DIAPH2: variants seen among roughly 807,000 people sequenced by gnomAD.
DIAPH2 encodes the protein protein diaphanous homolog 2.
In DIAPH2, 35 loss-of-function variants were observed where a neutral mutation model predicts 92.7. The observed-to-expected ratio is 0.38, with a 90% CI of 0.29 to 0.50. The LOEUF is 0.50. Ranked by LOEUF, DIAPH2 falls within the 20% of genes least tolerant of loss-of-function variation. The pLI, the probability that DIAPH2 is intolerant of heterozygous loss-of-function variation, is 0.94. For missense variants in DIAPH2, 701 were observed against 819.5 expected (o/e 0.86, Z 1.77); for synonymous variants, 301 against 280.4 (o/e 1.07, Z -0.73).
Position 96,957,876 on chromosome X carries a change from C to T in DIAPH2, c.1663C>T (p.Pro555Ser). 2 of 1,211,136 alleles carry T rather than the reference C, an allele frequency of 1.7e-6. No homozygotes were observed. The highest frequency in any genetic ancestry group is 2.2e-6 in the Non-Finnish European group (2 of 895,325). The change falls in exon 16 of 27, where the codon CCT becomes TCT. Residue 555 changes from proline to serine, a missense_variant. Around this residue, in one of 3 missense-constraint regions of DIAPH2, gnomAD observed 536 missense variants for 599.3 expected, o/e 0.89. Transcript: ENST00000324765. Reference protein sequence around the residue: ...SSGIPGPPAAPPLPGVGPPPP... With the variant: ...SSGIPGPPAASPLPGVGPPPP... ...AGGAATTCCAGGTCCTCCTGCAGCACCTCCATTGCCAGGTGTAGGGCCGCC... is the reference window on the plus strand; with the variant it reads ...AGGAATTCCAGGTCCTCCTGCAGCATCTCCATTGCCAGGTGTAGGGCCGCC...
chrX:97,510,078 C>T lies in DIAPH2; in HGVS notation c.3241+80333C>T, dbSNP rs1459828357. 9.2e-5 allele frequency among the ~76,000 whole-genome samples: 10 copies of T among 108,242 alleles called. No individual in the cohort carries two copies. In the East Asian group the frequency reaches 1.7e-3, roughly 19 times the overall value. The allele number at this position is 108,242 out of a possible 115,157, so 94.0% of individuals were successfully genotyped here. ...TTCTAGTTCTAGATCCCTGAGGAAT[C>T]GCCACACTGACTTCCACAATGGTTG... On this transcript the variant is annotated intron_variant, in intron 26 of 26. Transcript: ENST00000324765.
chrX:97,359,226 A>G (rs1420101494), intron 24 of DIAPH2, among the ~76,000 whole-genome samples: 1 of 111,792 alleles, frequency 8.9e-6, no homozygotes, highest in East Asian at 2.8e-4. Context: ...GTGACTGTCC[A>G]GTTAGGCTAT....
At chrX:97,548,263 A>G (rs1350969804) in intron 26 of DIAPH2, among the ~76,000 whole-genome samples, 1 of 112,054 alleles carries the variant, frequency 8.9e-6, no homozygotes, top group Non-Finnish European at 1.9e-5. Flanking sequence ...TGGTCGATGC[A>G]CAATTTTAAG....
intron 22 of DIAPH2, among the ~76,000 whole-genome samples, chrX:97,233,280 A>G (rs1019095865): frequency 4.4e-5 from 5 of 112,711 alleles, no homozygotes; most frequent in Non-Finnish European, 7.5e-5. Flanking sequence ...GCAGTAGAGC[A>G]TGTTGGTTAA....
chrX:97,243,785 A>G (rs2068117935), intron 22 of DIAPH2, among the ~76,000 whole-genome samples: 1 of 111,693 alleles, frequency 9.0e-6, no homozygotes, highest in South Asian at 3.8e-4. Flanking sequence ...CTACTTATAT[A>G]ATAATTGGTA....
At chrX:97,354,650 A>G (rs1054115723) in intron 24 of DIAPH2, among the ~76,000 whole-genome samples, 2 of 112,881 alleles carry the variant, frequency 1.8e-5, no homozygotes, top group East Asian at 5.6e-4. Flanking sequence ...CTAGGATTAT[A>G]GGCGTGGGCC....
intron 17 of DIAPH2, among the ~76,000 whole-genome samples, chrX:97,036,291 C>T (rs897757840): frequency 1.9e-4 from 21 of 111,662 alleles, no homozygotes; most frequent in African/African-American, 6.5e-4. Context: ...TTTATTATTT[C>T]GTATCTGACT....
chrX:97,351,202 C>T (rs755937076), intron 24 of DIAPH2, among the ~76,000 whole-genome samples: 5 of 112,162 alleles, frequency 4.5e-5, no homozygotes, highest in Non-Finnish European at 7.5e-5. Context: ...CTATAAAAGA[C>T]GGAAAATAAT....
intron 17 of DIAPH2, among the ~76,000 whole-genome samples, chrX:97,012,199 G>C (rs921202207): frequency 8.9e-6 from 1 of 111,821 alleles, no homozygotes; most frequent in Non-Finnish European, 1.9e-5. Flanking sequence ...TACAATCGTA[G>C]TGCTGAACAA....
intron 4 of DIAPH2, among the ~76,000 whole-genome samples, chrX:96,840,406 C>G (rs2064927608): frequency 9.0e-6 from 1 of 111,444 alleles, no homozygotes; most frequent in Non-Finnish European, 1.9e-5. Context: ...CAATATGATC[C>G]TGATCAGCCC....
chrX:97,008,759 T>A (rs1220180019), intron 17 of DIAPH2, among the ~76,000 whole-genome samples: 3 of 111,613 alleles, frequency 2.7e-5, no homozygotes, highest in African/African-American at 9.8e-5. Flanking sequence ...TTGTTCTTCT[T>A]CCTTACTGTC....
rs768820598 is a variant in DIAPH2, at chrX:96,957,858, C to A, written c.1645C>A (p.Pro549Thr). 22 of 1,207,730 alleles carry A rather than the reference C, an allele frequency of 1.8e-5. No individual in the cohort carries two copies. In the South Asian group the frequency reaches 3.9e-4, roughly 21 times the overall value. Reference protein sequence around the residue: ...AQVLSSSSGIPGPPAAPPLPG... With the variant: ...AQVLSSSSGITGPPAAPPLPG... ...AGTACTCTCAAGTTCATCAGGAATT[C>A]CAGGTCCTCCTGCAGCACCTCCATT... Residue 549 changes from proline (P) to threonine (T), a missense_variant, in exon 16 of 27, where the codon CCA (proline) becomes ACA (threonine). This residue lies in a region of DIAPH2 where 536 missense variants were observed against 599.3 expected (regional missense o/e 0.89). Coordinates refer to ENST00000324765, the MANE Select transcript of DIAPH2 (RefSeq NM_006729.5).
intron 26 of DIAPH2, among the ~76,000 whole-genome samples, chrX:97,470,708 C>A (rs1034236793): frequency 5.5e-4 from 56 of 101,274 alleles, no homozygotes; most frequent in Middle Eastern, 5.3e-3. Flanking sequence ...AAAAAAAAAA[C>A]AACCACGCAA....
chrX:97,482,006 G>A (rs1394321951), intron 26 of DIAPH2, among the ~76,000 whole-genome samples: 1 of 112,109 alleles, frequency 8.9e-6, no homozygotes, highest in Non-Finnish European at 1.9e-5. Flanking sequence ...ATTTTTTAAA[G>A]TAATATTTAT....
intron 22 of DIAPH2, among the ~76,000 whole-genome samples, chrX:97,146,523 C>A (rs761992258): frequency 9.1e-6 from 1 of 110,323 alleles, no homozygotes; most frequent in Non-Finnish European, 1.9e-5. Context: ...ATAGCAAATA[C>A]CAAATTTATT....
At chrX:96,951,411 G>C in intron 15 of DIAPH2, among the ~76,000 whole-genome samples, 1 of 111,743 alleles carries the variant, frequency 8.9e-6, no homozygotes, top group Non-Finnish European at 1.9e-5. Context: ...TCTTCTGCTA[G>C]AGCATAGACA....
At chrX:97,519,118 G>T (rs1174912698) in intron 26 of DIAPH2, among the ~76,000 whole-genome samples, 2 of 112,147 alleles carry the variant, frequency 1.8e-5, no homozygotes, top group Non-Finnish European at 3.8e-5. Context: ...ATTCTGAATA[G>T]TGTATTTTGA....
chrX:96,817,739 TC>T (rs986192296), intron 4 of DIAPH2, among the ~76,000 whole-genome samples: 1 of 109,497 alleles, frequency 9.1e-6, no homozygotes, highest in African/African-American at 3.3e-5. Context: ...CTCTCTGGGG[TC>T]CCTAATAGGG....
intron 22 of DIAPH2, among the ~76,000 whole-genome samples, chrX:97,193,621 T>G (rs1476729544): frequency 8.9e-6 from 1 of 112,326 alleles, no homozygotes; most frequent in African/African-American, 3.2e-5. Context: ...ATTCTACTGG[T>G]GCTGGAAAAG....
Sources: allele counts gnomAD v4.1 joint callset (sites outside exome capture counted in the v4.1 genomes callset), GRCh38; gene constraint gnomAD v4.1.1; regional missense constraint gnomAD v4.1.1; transcripts MANE v1.5; gene names NCBI Gene and HGNC (gene_info 2026-07-23, HGNC 2026-07-21).